MSI2: variants seen among roughly 807,000 people sequenced by gnomAD.
MSI2 encodes musashi RNA binding protein 2.
MSI2 carries 17 observed loss-of-function variants against 45.6 expected under a neutral mutation model. That is an observed-to-expected ratio of 0.37 (90% CI 0.26 to 0.56). The LOEUF (loss-of-function observed/expected upper bound fraction) is 0.56, where lower values mean the gene tolerates loss of function less well. Ranked by LOEUF, MSI2 falls within the 20% of genes least tolerant of loss-of-function variation. The pLI is 0.77. For missense variants in MSI2, 293 were observed against 444.2 expected (o/e 0.66, Z 3.06); for synonymous variants, 156 against 158.2 (o/e 0.99, Z 0.11).
chr17:57,452,641 T>G (rs1046149934), intron 6 of MSI2, among the ~76,000 whole-genome samples: 1 of 152,244 alleles, frequency 6.6e-6, no homozygotes, highest in African/African-American at 2.4e-5. Context: ...TTGAAAAGAT[T>G]GCTCTCTAAG....
chr17:57,564,609 G>C (rs1260060864), intron 7 of MSI2, among the ~76,000 whole-genome samples: 1 of 152,198 alleles, frequency 6.6e-6, no homozygotes, highest in Non-Finnish European at 1.5e-5. Flanking sequence ...GGGAGCTCCA[G>C]CCCTAATAGG....
At chr17:57,537,259 G>A (rs942654880) in intron 7 of MSI2, among the ~76,000 whole-genome samples, 107 of 152,248 alleles carry the variant, frequency 7.0e-4, no homozygotes, top group Middle Eastern at 3.4e-3. Flanking sequence ...TGTGTGAGGG[G>A]GTGGGCATGC....
intron 7 of MSI2, among the ~76,000 whole-genome samples, chr17:57,539,648 C>T (rs1037539539): frequency 4.0e-5 from 1 of 24,970 alleles, no homozygotes; most frequent in Admixed American, 3.8e-4. Context: ...TTTCCATAAA[C>T]AGATGATCTG....
Position 57,627,397 on chromosome 17 carries a change from A to C in MSI2, c.727+94A>C, listed in dbSNP as rs1908909692. On this transcript the variant is annotated intron_variant, in intron 10 of 13. Coordinates refer to ENST00000284073, the MANE Select transcript of MSI2 (RefSeq NM_138962.4). The surrounding 1 kb of genome is among the most constrained non-coding windows in gnomAD (Gnocchi z 4.6). ...GACCCCTAAAGAGAATGCATTTCTT[A>C]CATGCATCCACTTGAAAATGACCTA... 3 of 1,054,606 alleles carry C rather than the reference A, an allele frequency of 2.8e-6. No individual in the cohort carries two copies. The highest frequency in any genetic ancestry group is 2.5e-5 in the South Asian group (2 of 78,436). 65.3% of individuals were successfully genotyped at this position (1,054,606 alleles called of 1,614,324 possible). A position where few individuals can be genotyped will look rare whatever the true frequency, so the allele number is the denominator to read the frequency against.
intron 5 of MSI2, among the ~76,000 whole-genome samples, chr17:57,295,108 A>G (rs1910803624): frequency 6.6e-6 from 1 of 152,134 alleles, no homozygotes. Flanking sequence ...GATGGGGGGA[A>G]TGTGCCCACC....
chr17:57,313,381 T>C (rs757401750), intron 5 of MSI2, among the ~76,000 whole-genome samples: 1 of 152,346 alleles, frequency 6.6e-6, no homozygotes, highest in Non-Finnish European at 1.5e-5. Flanking sequence ...CACCGCTGCC[T>C]TTTGACAAAA....
chr17:57,292,990 G>A (rs749745976), intron 5 of MSI2, among the ~76,000 whole-genome samples: 2 of 152,074 alleles, frequency 1.3e-5, no homozygotes, highest in African/African-American at 2.4e-5. Context: ...AAAAAGACCC[G>A]TTTAAGTAGT....
At chr17:57,458,235 G>A (rs2085154421) in intron 6 of MSI2, among the ~76,000 whole-genome samples, 1 of 151,654 alleles carries the variant, frequency 6.6e-6, no homozygotes, top group Non-Finnish European at 1.5e-5. Context: ...CGAGTAGCTG[G>A]GACTACGGGC....
intron 10 of MSI2, among the ~76,000 whole-genome samples, chr17:57,641,153 A>G (rs1444548505): frequency 6.6e-6 from 1 of 152,198 alleles, no homozygotes. Context: ...CTGCCCTTCA[A>G]CATCTGAAAC....
At chr17:57,276,252 G>A (rs995004303) in intron 5 of MSI2, among the ~76,000 whole-genome samples, 7 of 152,218 alleles carry the variant, frequency 4.6e-5, no homozygotes, top group Non-Finnish European at 8.8e-5. Flanking sequence ...TATGGGCCGT[G>A]TGGAGTTGTG....
At position 57,682,276 on chromosome 17, in the gene MSI2, A is replaced by C. The variant is rs907985877; in HGVS notation, c.*2759A>C. On this transcript the variant is annotated 3_prime_UTR_variant, in exon 14 of 14. Transcript: ENST00000284073. ...GTGGTTTCAACTAACCCAAGGTCTCACCATGTTAAAATGCCGGCGGACTCT... is the reference window on the plus strand; with the variant it reads ...GTGGTTTCAACTAACCCAAGGTCTCCCCATGTTAAAATGCCGGCGGACTCT... 28 of 188,108 alleles carry C rather than the reference A, an allele frequency of 1.5e-4. No individual in the cohort carries two copies. Among genetic ancestry groups the C allele is most frequent in the Non-Finnish European group, 2.1e-4 (19 of 90,950 alleles). 11.7% of individuals were successfully genotyped at this position (188,108 alleles called of 1,614,324 possible). A position where few individuals can be genotyped will look rare whatever the true frequency, so the allele number is the denominator to read the frequency against.
At position 57,623,475 on chromosome 17, in the gene MSI2, C is replaced by T. The variant is rs73992106; in HGVS notation, c.653-3754C>T. Among the ~76,000 whole-genome samples, 933 of 152,298 alleles carry T rather than the reference C, an allele frequency of 6.1e-3. 8 individuals carry two copies. Among genetic ancestry groups the T allele is most frequent in the African/African-American group, 0.021 (873 of 41,550 alleles). The stretch of plus-strand genomic sequence containing the variant: ...TTTGTCAGCATCCCCAAAATGGGGA[C>T]TCAAAATGAGCTCAGTGGCAAATCC... On this transcript the variant is annotated intron_variant, in intron 9 of 13. Coordinates refer to ENST00000284073, the MANE Select transcript of MSI2 (RefSeq NM_138962.4).
chr17:57,574,919 C>T (rs887174634), intron 7 of MSI2, among the ~76,000 whole-genome samples: 3 of 151,608 alleles, frequency 2.0e-5, no homozygotes, highest in Non-Finnish European at 2.9e-5. Flanking sequence ...CAAGCTCCGC[C>T]TCCCGGGTTC....
At chr17:57,606,895 TG>T (rs368966255) in intron 8 of MSI2, among the ~76,000 whole-genome samples, 340 of 87,178 alleles carry the variant, frequency 3.9e-3, no homozygotes, top group African/African-American at 8.1e-3. Flanking sequence ...GGTGGGGTGA[TG>T]GGGGGGGGTG....
chr17:57,585,195 G>A (rs1406465451), intron 7 of MSI2, among the ~76,000 whole-genome samples: 3 of 152,156 alleles, frequency 2.0e-5, no homozygotes, highest in Non-Finnish European at 4.4e-5. Flanking sequence ...TCCCTGTCCT[G>A]AATCTTATCC....
intron 5 of MSI2, among the ~76,000 whole-genome samples, chr17:57,339,354 C>T (rs1468811106): frequency 2.0e-5 from 3 of 152,196 alleles, no homozygotes; most frequent in Non-Finnish European, 4.4e-5. Flanking sequence ...CTTGCATGCA[C>T]GCTTAAGAAA....
chr17:57,537,032 G>C (rs1031052441), intron 7 of MSI2, among the ~76,000 whole-genome samples: 1 of 152,230 alleles, frequency 6.6e-6, no homozygotes, highest in Non-Finnish European at 1.5e-5. Context: ...GGGGAGTGGA[G>C]AGCTGTGATG....
At chr17:57,474,744 A>G (rs1429843249) in intron 6 of MSI2, among the ~76,000 whole-genome samples, 1 of 151,668 alleles carries the variant, frequency 6.6e-6, no homozygotes. Flanking sequence ...GTTTGGAGAC[A>G]GTCTTGCTCT....
Position 57,494,416 on chromosome 17 carries a change from G to T in MSI2, c.406-35260G>T, listed in dbSNP as rs1294392328. ...TTTTGGTGCCAGGAGACAGACTGTG[G>T]ACCTGGAGTGGGTTTGGGGGCTGGA... On this transcript the variant is annotated intron_variant, in intron 6 of 13. Transcript: ENST00000284073. Among the ~76,000 whole-genome samples, 5 of 152,186 alleles carry T rather than the reference G, an allele frequency of 3.3e-5. No individual in the cohort carries two copies. In the South Asian group the frequency reaches 1.0e-3, roughly 32 times the overall value.
Sources: allele counts gnomAD v4.1 joint callset (sites outside exome capture counted in the v4.1 genomes callset), GRCh38; gene constraint gnomAD v4.1.1; non-coding constraint Gnocchi (gnomAD v3.1); transcripts MANE v1.5; gene names NCBI Gene and HGNC (gene_info 2026-07-23, HGNC 2026-07-21).